OPHN1: variants seen among roughly 807,000 people sequenced by gnomAD.
OPHN1 encodes oligophrenin-1.
Under a neutral mutation model 60.7 loss-of-function variants are expected in OPHN1, and 11 were observed. That is an observed-to-expected ratio of 0.18 (90% CI 0.11 to 0.30). OPHN1 has a LOEUF of 0.30. Ranked by LOEUF, OPHN1 falls within the 10% of genes least tolerant of loss-of-function variation. The pLI is 1.00. For missense variants in OPHN1, 449 were observed against 611.0 expected, an observed-to-expected ratio of 0.73 and a Z score of 2.80; for synonymous variants, 226 against 222.6, an observed-to-expected ratio of 1.02 and a Z score of -0.14.
At chrX:68,099,258 G>A (rs1360395275) in intron 18 of OPHN1, among the ~76,000 whole-genome samples, 6 of 111,644 alleles carry the variant, frequency 5.4e-5, no homozygotes, top group African/African-American at 9.7e-5. Context: ...TTAACAAGAT[G>A]AATGAAACCA....
chrX:68,432,887 G>A lies in OPHN1; in HGVS notation c.134C>T (p.Ala45Val). 3 of 1,211,788 alleles carry A rather than the reference G, an allele frequency of 2.5e-6. No homozygotes were observed. Among genetic ancestry groups the A allele is most frequent in the Non-Finnish European group, 3.4e-6 (3 of 895,366 alleles). ...CTTACTTCTCATAGCGCTGATAAGC[G>A]CGTTGCCGTCTTTGATTACGTCTTT... ...FIKDVIKDGNALISAMRNYSS... is the reference protein window; with the variant it reads ...FIKDVIKDGNVLISAMRNYSS... The change falls in exon 2 of 25, where the codon GCG (alanine) becomes GTG (valine). Residue 45 changes from alanine to valine, a missense_variant. This residue lies in a region of OPHN1 where 99 missense variants were observed against 155.2 expected (regional missense o/e 0.64). Coordinates refer to ENST00000355520, the MANE Select transcript of OPHN1 (RefSeq NM_002547.3).
At chrX:68,370,506 C>CA (rs768456592) in intron 2 of OPHN1, among the ~76,000 whole-genome samples, 208 of 45,017 alleles carry the variant, frequency 4.6e-3, no homozygotes, top group Middle Eastern at 0.049. Context: ...GACTCCGTCT[C>CA]AAAAAAAAAA....
At chrX:68,047,857 G>C (rs1336497522) in intron 24 of OPHN1, among the ~76,000 whole-genome samples, 1 of 112,225 alleles carries the variant, frequency 8.9e-6, no homozygotes, top group Non-Finnish European at 1.9e-5. Flanking sequence ...ATGAAATAAT[G>C]AATGTGAAAG....
At chrX:68,221,068 A>G (rs1471971629) in intron 6 of OPHN1, among the ~76,000 whole-genome samples, 1 of 101,893 alleles carries the variant, frequency 9.8e-6, no homozygotes, top group Non-Finnish European at 2.0e-5. Context: ...TAAGCTGATA[A>G]GCAACTTCAG....
At chrX:68,171,204 C>A (rs1377815801) in intron 15 of OPHN1, among the ~76,000 whole-genome samples, 1 of 110,518 alleles carries the variant, frequency 9.0e-6, no homozygotes, top group African/African-American at 3.3e-5. Flanking sequence ...TTATGCATTG[C>A]ATGCCTGTAT....
chrX:68,110,286 AT>A (rs1397410849), intron 18 of OPHN1, among the ~76,000 whole-genome samples: 1 of 111,723 alleles, frequency 9.0e-6, no homozygotes, highest in Non-Finnish European at 1.9e-5. Flanking sequence ...TTGCCATTCT[AT>A]TTCTGTGATC....
intron 19 of OPHN1, among the ~76,000 whole-genome samples, chrX:68,090,672 G>T (rs2077014107): frequency 9.0e-6 from 1 of 110,582 alleles, no homozygotes; most frequent in South Asian, 3.9e-4. Flanking sequence ...TTGGCCATTT[G>T]GGAACATAGG....
chrX:68,112,401 C>T (rs1015048780), intron 17 of OPHN1: 1 of 120,659 alleles, frequency 8.3e-6, no homozygotes. Context: ...AAACTTCCAG[C>T]TGGAAACCTA....
intron 2 of OPHN1, among the ~76,000 whole-genome samples, chrX:68,396,162 G>A (rs1329381894): frequency 9.3e-6 from 1 of 107,798 alleles, no homozygotes; most frequent in African/African-American, 3.4e-5. Context: ...ACGAGGAATG[G>A]CGACTCATGC....
chrX:68,169,506 C>T (rs1381011928), intron 15 of OPHN1, among the ~76,000 whole-genome samples: 2 of 108,489 alleles, frequency 1.8e-5, no homozygotes, highest in African/African-American at 6.8e-5. Flanking sequence ...AAGCTGGAGG[C>T]ATCACGCTAC....
At chrX:68,393,721 T>C (rs764478478) in intron 2 of OPHN1, among the ~76,000 whole-genome samples, 1 of 109,853 alleles carries the variant, frequency 9.1e-6, no homozygotes, top group South Asian at 3.9e-4. Flanking sequence ...TTCTGCACTC[T>C]AAAATTAATT....
intron 15 of OPHN1, among the ~76,000 whole-genome samples, chrX:68,177,024 A>G (rs2077417587): frequency 9.2e-6 from 1 of 108,623 alleles, no homozygotes; most frequent in Non-Finnish European, 1.9e-5. Context: ...ACAGTGGAAT[A>G]TTATTCGGCC....
chrX:68,137,668 A>G (rs915791169), intron 15 of OPHN1, among the ~76,000 whole-genome samples: 2 of 112,069 alleles, frequency 1.8e-5, no homozygotes, highest in African/African-American at 6.5e-5. Flanking sequence ...GTATGTATGT[A>G]TATGTGTACA....
chrX:68,370,063 T>G (rs1435486065), intron 2 of OPHN1, among the ~76,000 whole-genome samples: 1 of 93,453 alleles, frequency 1.1e-5, no homozygotes, highest in Non-Finnish European at 2.0e-5. Context: ...CAACCAAGAA[T>G]TCTGCATCTG....
chrX:68,169,887 T>C (rs1422081908), intron 15 of OPHN1, among the ~76,000 whole-genome samples: 1 of 107,189 alleles, frequency 9.3e-6, no homozygotes, highest in Non-Finnish European at 1.9e-5. Flanking sequence ...ACTTCATGTC[T>C]AAAACACCAA....
chrX:68,092,998 A>G (rs1459924990), intron 19 of OPHN1, among the ~76,000 whole-genome samples: 2 of 110,968 alleles, frequency 1.8e-5, no homozygotes, highest in Non-Finnish European at 3.8e-5. Flanking sequence ...GATAAAGACC[A>G]AACTCCTTAG....
intron 15 of OPHN1, among the ~76,000 whole-genome samples, chrX:68,120,017 G>A (rs1029957870): frequency 7.2e-5 from 8 of 111,504 alleles, no homozygotes; most frequent in Admixed American, 1.9e-4. Flanking sequence ...AGCGAACGAG[G>A]TGAAGGGAAA....
At chrX:68,299,465 G>A (rs1019875436) in intron 2 of OPHN1, among the ~76,000 whole-genome samples, 3 of 111,722 alleles carry the variant, frequency 2.7e-5, no homozygotes, top group African/African-American at 6.5e-5. Context: ...CAATACACTA[G>A]ATGCTTTCCA....
intron 6 of OPHN1, among the ~76,000 whole-genome samples, chrX:68,228,646 A>G (rs778003139): frequency 5.4e-5 from 6 of 111,418 alleles, no homozygotes; most frequent in East Asian, 2.8e-4. Context: ...TATAAACAGA[A>G]CCAAAGACAA....
Sources: allele counts gnomAD v4.1 joint callset (sites outside exome capture counted in the v4.1 genomes callset), GRCh38; gene constraint gnomAD v4.1.1; regional missense constraint gnomAD v4.1.1; transcripts MANE v1.5; gene names NCBI Gene and HGNC (gene_info 2026-07-23, HGNC 2026-07-21).